Variants in ZMAT4 observed in about 807,000 individuals in gnomAD.
ZMAT4 encodes the protein zinc finger matrin-type protein 4.
In ZMAT4, 17 loss-of-function variants were observed where a neutral mutation model predicts 28.7. The ratio of observed to expected loss-of-function variants is 0.59; its 90% CI spans 0.41 to 0.89. The LOEUF is 0.89. Among genes scored for constraint, ZMAT4 ranks in the 40% least tolerant of loss-of-function variants. The pLI is 0.00. For synonymous variants in ZMAT4, 117 were observed against 109.2 expected (o/e 1.07, Z -0.44); for missense variants, 240 against 283.8 (o/e 0.85, Z 1.11).
intron 1 of ZMAT4, among the ~76,000 whole-genome samples, chr8:40,862,730 CAAACACCG>C (rs1817546925): frequency 6.6e-6 from 1 of 151,352 alleles, no homozygotes; most frequent in Admixed American, 6.6e-5. Context: ...GACAAAAAAC[CAAACACCG>C]CATGTTCTCA....
intron 3 of ZMAT4, among the ~76,000 whole-genome samples, chr8:40,697,695 G>A (rs530910982): frequency 4.5e-4 from 68 of 151,968 alleles, no homozygotes; most frequent in Middle Eastern, 3.4e-3. Context: ...TTCTCCTAAT[G>A]CTATCCCTCC....
At chr8:40,639,544 A>G (rs1294465491) in intron 5 of ZMAT4, among the ~76,000 whole-genome samples, 2 of 152,164 alleles carry the variant, frequency 1.3e-5, no homozygotes, top group East Asian at 1.9e-4. Context: ...CTTGGGGTCA[A>G]AGTAAAGTTG....
intron 2 of ZMAT4, among the ~76,000 whole-genome samples, chr8:40,777,054 A>G (rs555571081): frequency 4.6e-4 from 70 of 152,140 alleles, no homozygotes; most frequent in African/African-American, 1.6e-3. Context: ...ACCACATTAA[A>G]TAGAACTAGT....
chr8:40,824,752 A>AATG, intron 2 of ZMAT4, among the ~76,000 whole-genome samples: 1 of 149,510 alleles, frequency 6.7e-6, no homozygotes, highest in Non-Finnish European at 1.5e-5. Context: ...AGAAAAGAAA[A>AATG]AAAGAAAGAA....
intron 1 of ZMAT4, among the ~76,000 whole-genome samples, chr8:40,865,207 C>A (rs1817634778): frequency 1.3e-5 from 2 of 152,182 alleles, no homozygotes; most frequent in South Asian, 4.1e-4. Context: ...TGACAAATGC[C>A]ACTTATTCTC....
At chr8:40,589,961 T>TTCCC (rs376227478) in intron 5 of ZMAT4, among the ~76,000 whole-genome samples, 3,381 of 26,442 alleles carry the variant, frequency 0.13, 948 homozygotes, top group Admixed American at 0.29. Flanking sequence ...TCTTCCCTCC[T>TTCCC]TCCCTCCCTC....
intron 6 of ZMAT4, among the ~76,000 whole-genome samples, chr8:40,536,919 A>G (rs1011567996): frequency 6.6e-6 from 1 of 151,894 alleles, no homozygotes; most frequent in Admixed American, 6.6e-5. Context: ...AAAAAAAGAG[A>G]AGAGAAAGAG....
intron 5 of ZMAT4, among the ~76,000 whole-genome samples, chr8:40,618,774 GCA>G (rs755864339): frequency 6.6e-6 from 1 of 152,086 alleles, no homozygotes; most frequent in Non-Finnish European, 1.5e-5. Context: ...CACCTGAAAA[GCA>G]CAGTTTCCTG....
At chr8:40,627,576 A>T (rs1806422260) in intron 5 of ZMAT4, among the ~76,000 whole-genome samples, 1 of 152,236 alleles carries the variant, frequency 6.6e-6, no homozygotes, top group South Asian at 2.1e-4. Flanking sequence ...GATTTGAATT[A>T]TAATTTTTCT....
chr8:40,571,122 G>A (rs1804083188), intron 6 of ZMAT4, among the ~76,000 whole-genome samples: 1 of 152,120 alleles, frequency 6.6e-6, no homozygotes, highest in African/African-American at 2.4e-5. Context: ...GAAGGAAGCA[G>A]GGAGGAAATG....
chr8:40,613,935 CAAAA>C (rs1805898553), intron 5 of ZMAT4, among the ~76,000 whole-genome samples: 6 of 152,188 alleles, frequency 3.9e-5, no homozygotes, highest in Admixed American at 2.6e-4. Flanking sequence ...TAAGCCTGAA[CAAAA>C]GAATGCCCCT....
At chr8:40,864,014 A>G (rs1817592208) in intron 1 of ZMAT4, among the ~76,000 whole-genome samples, 1 of 152,226 alleles carries the variant, frequency 6.6e-6, no homozygotes, top group Non-Finnish European at 1.5e-5. Flanking sequence ...GGTGTCCAAC[A>G]TAGGGAAGGT....
chr8:40,690,176 G>C (rs1439087157), intron 4 of ZMAT4, among the ~76,000 whole-genome samples: 2 of 152,178 alleles, frequency 1.3e-5, no homozygotes, highest in Non-Finnish European at 2.9e-5. Context: ...ACTCGCTGTA[G>C]GATAGGCATG....
chr8:40,650,961 G>A (rs1442042986), intron 5 of ZMAT4, among the ~76,000 whole-genome samples: 3 of 150,556 alleles, frequency 2.0e-5, no homozygotes, highest in Admixed American at 6.6e-5. Context: ...CAAACCCACA[G>A]CCAATATCAT....
At chr8:40,829,773 T>A (rs1012588632) in intron 1 of ZMAT4, among the ~76,000 whole-genome samples, 1 of 152,196 alleles carries the variant, frequency 6.6e-6, no homozygotes, top group East Asian at 1.9e-4. Flanking sequence ...AAAGTTCTAC[T>A]AGGGTTGAAA....
chr8:40,587,360 G>C (rs1230132906), intron 5 of ZMAT4, among the ~76,000 whole-genome samples: 1 of 151,956 alleles, frequency 6.6e-6, no homozygotes, highest in South Asian at 2.1e-4. Context: ...TTAATATGTG[G>C]GTATCTATCT....
At chr8:40,724,775 T>C (rs1280358173) in intron 3 of ZMAT4, among the ~76,000 whole-genome samples, 1 of 152,140 alleles carries the variant, frequency 6.6e-6, no homozygotes, top group Non-Finnish European at 1.5e-5. Flanking sequence ...GCCAAGCCTA[T>C]GTGAGATGTG....
intron 3 of ZMAT4, among the ~76,000 whole-genome samples, chr8:40,743,560 C>A (rs1313536887): frequency 3.9e-5 from 6 of 152,218 alleles, no homozygotes; most frequent in Non-Finnish European, 8.8e-5. Flanking sequence ...GTGCCTACAA[C>A]GCACAAGGAC....
At chr8:40,845,565 A>T (rs1233912282) in intron 1 of ZMAT4, among the ~76,000 whole-genome samples, 1 of 152,052 alleles carries the variant, frequency 6.6e-6, no homozygotes, top group Non-Finnish European at 1.5e-5. Context: ...TTCTGAAAAA[A>T]AAAATAACAG....
Sources: gnomAD v4.1 joint callset for allele counts (sites outside exome capture counted in the v4.1 genomes callset) on GRCh38, gnomAD v4.1.1 for gene constraint, MANE v1.5 for transcripts, NCBI Gene and HGNC (gene_info 2026-07-23, HGNC 2026-07-21) for gene names.